ATXN7L1: variants seen among roughly 807,000 people sequenced by gnomAD.
ATXN7L1 encodes the protein ataxin 7 like 1, also known as ataxin-7-like protein 1.
A neutral mutation model predicts 70.8 loss-of-function variants in ATXN7L1; 15 were observed. That is an observed-to-expected ratio of 0.21 (90% confidence interval 0.14 to 0.33). The LOEUF (loss-of-function observed/expected upper bound fraction) is 0.33. Ranked by LOEUF, ATXN7L1 falls within the 10% of genes least tolerant of loss-of-function variation. The pLI, the probability that ATXN7L1 is intolerant of heterozygous loss-of-function variation, is 1.00. For synonymous variants in ATXN7L1, 440 were observed against 445.1 expected, an observed-to-expected ratio of 0.99 and a Z score of 0.14; for missense variants, 975 against 1,097.1, an observed-to-expected ratio of 0.89 and a Z score of 1.57.
chr7:105,655,893 G>A (rs193025594), intron 4 of ATXN7L1, among the ~76,000 whole-genome samples: 1 of 152,170 alleles, frequency 6.6e-6, no homozygotes, highest in Admixed American at 6.5e-5. Context: ...GGCATGCACA[G>A]GGAGGCCAGG....
intron 3 of ATXN7L1, among the ~76,000 whole-genome samples, chr7:105,766,836 C>T (rs546317350): frequency 6.6e-6 from 1 of 152,214 alleles, no homozygotes; most frequent in African/African-American, 2.4e-5. Context: ...CCAGGGGGAA[C>T]CAGCTTCCGT....
intron 3 of ATXN7L1, among the ~76,000 whole-genome samples, chr7:105,671,064 G>T (rs1268269353): frequency 7.6e-6 from 1 of 132,400 alleles, no homozygotes; most frequent in African/African-American, 2.9e-5. Flanking sequence ...CCAAGATGGC[G>T]CCACTGCATT....
At chr7:105,636,454 C>T (rs1188156162) in intron 7 of ATXN7L1, among the ~76,000 whole-genome samples, 3 of 150,624 alleles carry the variant, frequency 2.0e-5, no homozygotes, top group Non-Finnish European at 4.5e-5. Flanking sequence ...TCTGCCCCCC[C>T]CACCCCCACT....
intron 3 of ATXN7L1, among the ~76,000 whole-genome samples, chr7:105,681,955 T>C (rs528065913): frequency 6.6e-6 from 1 of 152,016 alleles, no homozygotes; most frequent in African/African-American, 2.4e-5. Context: ...CTGGGCACAG[T>C]GGCTCACACC....
chr7:105,867,587 G>A (rs974401124), intron 2 of ATXN7L1, among the ~76,000 whole-genome samples: 3 of 152,222 alleles, frequency 2.0e-5, no homozygotes, highest in South Asian at 2.1e-4. Flanking sequence ...CTGGGGGACC[G>A]AGGCTTCTCT....
At chr7:105,687,079 C>CTAATTCAGACT (rs1406024883) in intron 3 of ATXN7L1, among the ~76,000 whole-genome samples, 1 of 152,206 alleles carries the variant, frequency 6.6e-6, no homozygotes, top group Non-Finnish European at 1.5e-5. Context: ...CATATGAAAG[C>CTAATTCAGACT]TAATTCAGAC....
intron 2 of ATXN7L1, among the ~76,000 whole-genome samples, chr7:105,815,748 A>G (rs964103380): frequency 3.3e-5 from 5 of 152,242 alleles, no homozygotes; most frequent in African/African-American, 1.2e-4. Flanking sequence ...TCAGAGGCAC[A>G]GCAAAAGGAA....
intron 3 of ATXN7L1, among the ~76,000 whole-genome samples, chr7:105,669,228 C>T (rs1031130964): frequency 5.9e-5 from 9 of 152,088 alleles, no homozygotes; most frequent in African/African-American, 2.2e-4. Flanking sequence ...ATTACAGGTA[C>T]GCACCACCAT....
At chr7:105,643,259 T>A (rs1798515865) in intron 4 of ATXN7L1, 138 bp from the exon 5 acceptor site, 1 of 1,075,056 alleles carries the variant, frequency 9.3e-7, no homozygotes, top group East Asian at 2.6e-5. Flanking sequence ...GCAGCATGAG[T>A]CCAGTTTTGA....
At chr7:105,692,527 A>T (rs1041203878) in intron 3 of ATXN7L1, among the ~76,000 whole-genome samples, 4 of 147,112 alleles carry the variant, frequency 2.7e-5, no homozygotes, top group Non-Finnish European at 4.5e-5. Flanking sequence ...GCTCACTGCA[A>T]CCTCTGCCTC....
chr7:105,614,336 G>A lies in ATXN7L1; in HGVS notation c.1998C>T (p.Leu666=), dbSNP rs183434921. 5.2e-6 allele frequency: 8 copies of A among 1,552,390 alleles called. No homozygotes were observed. In the Admixed American group the frequency reaches 1.6e-4, roughly 30 times the overall value. The part of the protein sequence containing the change: ...SSSSSSLQTS[L]SSPLSGPHKK... The stretch of plus-strand genomic sequence containing the variant: ...TGTGAGGCCCTGACAGTGGAGACGA[G>A]AGGGATGTCTGCAAGGAAGAGGAGG... Residue 666 remains leucine (L), a synonymous_variant, in exon 10 of 12, where the codon CTC becomes CTT. Coordinates refer to ENST00000419735, the MANE Select transcript of ATXN7L1 (RefSeq NM_020725.2). This position sits in a 1 kb window ranked among gnomAD's most constrained non-coding sequence, Gnocchi z 4.3.
rs367817814 is a variant in ATXN7L1, at chr7:105,652,117, AGAG to A, written c.579-8999_579-8997del. ...TGTGAACAAGTCAGCAAGTCAGAGA[AGAG>A]GAGAAGATAAAAAAGGAAAAATCGA... On this transcript the variant is annotated intron_variant, in intron 4 of 11. Transcript: ENST00000419735. Among the ~76,000 whole-genome samples, 82 of 152,260 alleles carry A rather than the reference AGAG, an allele frequency of 5.4e-4. 1 individual carries two copies. The East Asian group carries it at 0.013, about 25-fold the overall frequency.
chr7:105,664,715 T>A (rs997357169), intron 4 of ATXN7L1, among the ~76,000 whole-genome samples: 2 of 151,402 alleles, frequency 1.3e-5, no homozygotes, highest in African/African-American at 4.9e-5. Flanking sequence ...TACAGGTGTG[T>A]GCCACCACAC....
intron 3 of ATXN7L1, among the ~76,000 whole-genome samples, chr7:105,681,292 G>T (rs928490401): frequency 2.6e-5 from 4 of 152,166 alleles, no homozygotes; most frequent in Non-Finnish European, 4.4e-5. Context: ...GGGTGTGGTG[G>T]TGGGCACTAA....
chr7:105,766,203 C>T (rs1801228826), intron 3 of ATXN7L1, among the ~76,000 whole-genome samples: 1 of 150,086 alleles, frequency 6.7e-6, no homozygotes, highest in South Asian at 2.1e-4. Context: ...CATCCTTGGA[C>T]ATAATCTGGT....
chr7:105,669,872 T>C (rs1803266453), intron 3 of ATXN7L1, among the ~76,000 whole-genome samples: 1 of 140,232 alleles, frequency 7.1e-6, no homozygotes, highest in Admixed American at 7.7e-5. Context: ...TGAGCCGAGA[T>C]CGAACCATTG....
At chr7:105,769,520 A>G (rs1460936068) in intron 3 of ATXN7L1, among the ~76,000 whole-genome samples, 1 of 152,134 alleles carries the variant, frequency 6.6e-6, no homozygotes, top group Admixed American at 6.5e-5. Context: ...TAGTCCCCCG[A>G]GCACAGGAAG....
Position 105,664,639 on chromosome 7 carries a change from C to T in ATXN7L1, c.578+427G>A, listed in dbSNP as rs1014297545. The stretch of plus-strand genomic sequence containing the variant: ...AGGCTGGAGTGCAGTGGCGTGATCT[C>T]GGCTCACCACAACTCCGCCTCCCGG... On this transcript the variant is annotated intron_variant, in intron 4 of 11. Coordinates refer to ENST00000419735, the MANE Select transcript of ATXN7L1 (RefSeq NM_020725.2). Among the ~76,000 whole-genome samples the T allele has an allele frequency of 7.3e-5, 11 of 149,854 alleles. 1 individual carries two copies. The highest frequency in any genetic ancestry group is 1.6e-4 in the Non-Finnish European group (11 of 67,558).
At chr7:105,756,292 C>A (rs1939550) in intron 3 of ATXN7L1, among the ~76,000 whole-genome samples, 1 of 151,974 alleles carries the variant, frequency 6.6e-6, no homozygotes, top group Non-Finnish European at 1.5e-5. Flanking sequence ...TTAAGGAGGG[C>A]ACAACCCACC....
Sources: allele counts gnomAD v4.1 joint callset (sites outside exome capture counted in the v4.1 genomes callset), GRCh38; gene constraint gnomAD v4.1.1; non-coding constraint Gnocchi (gnomAD v3.1); transcripts MANE v1.5; gene names NCBI Gene and HGNC (gene_info 2026-07-23, HGNC 2026-07-21).